Variants in EML5 observed in about 807,000 individuals in gnomAD.
EML5 encodes the protein echinoderm microtubule-associated protein-like 5.
EML5 carries 120 observed loss-of-function variants against 250.0 expected under a neutral mutation model. The observed-to-expected ratio is 0.48, with a 90% CI of 0.41 to 0.56. The LOEUF (loss-of-function observed/expected upper bound fraction) is 0.56, where lower values mean the gene tolerates loss of function less well. Ranked by LOEUF, EML5 falls within the 20% of genes least tolerant of loss-of-function variation. The pLI, the probability that EML5 is intolerant of heterozygous loss-of-function variation, is 0.00. For missense variants in EML5, 2,006 were observed against 2,437.6 expected, an observed-to-expected ratio of 0.82 and a Z score of 3.73; for synonymous variants, 771 against 806.5, an observed-to-expected ratio of 0.96 and a Z score of 0.75.
At chr14:88,754,398 C>T (rs1421529808) in intron 2 of EML5, 114 bp downstream of exon 2, 3 of 1,041,106 alleles carry the variant, frequency 2.9e-6, no homozygotes, top group African/African-American at 3.3e-5. Context: ...CCACCTCCAC[C>T]TTTGGACAAA....
chr14:88,668,343 C>T (rs2092363870), intron 21 of EML5, among the ~76,000 whole-genome samples: 1 of 151,660 alleles, frequency 6.6e-6, no homozygotes. Context: ...AGAGATAGCA[C>T]TAGCAAAGGA....
intron 8 of EML5, among the ~76,000 whole-genome samples, chr14:88,723,106 T>C (rs1313655863): frequency 1.3e-5 from 2 of 152,086 alleles, no homozygotes; most frequent in African/African-American, 4.8e-5. Flanking sequence ...AGATATACTA[T>C]TCATTCTTAA....
rs754234515 is a variant in EML5 at position 88,696,831 on chromosome 14, C to G, written c.2344+16G>C. 5.7e-6 allele frequency: 9 copies of G among 1,570,440 alleles called. No homozygotes were observed. In the South Asian group the frequency reaches 7.1e-5, roughly 12 times the overall value. On this transcript the variant is annotated intron_variant, in intron 15 of 43. Transcript: ENST00000554922. The stretch of plus-strand genomic sequence containing the variant: ...TGCATTTTGTTAATTCTTACTGAGA[C>G]AGCAAACAGCCTTACCTGAGAAATC...
rs930318411 is a variant in EML5 at position 88,613,347 on chromosome 14, G to T, written c.*2471C>A. ...TGAGATGCTTTGCATCTCTGCAGAAGAAATTTATTTTAAATTGTTTAAATA... is the reference window on the plus strand; with the variant it reads ...TGAGATGCTTTGCATCTCTGCAGAATAAATTTATTTTAAATTGTTTAAATA... On this transcript the variant is annotated 3_prime_UTR_variant, in exon 44 of 44. Coordinates refer to ENST00000554922, the MANE Select transcript of EML5 (RefSeq NM_183387.3). 2.0e-5 allele frequency: 3 copies of T among 152,096 alleles called. No individual in the cohort carries two copies. The highest frequency in any genetic ancestry group is 6.6e-5 in the Admixed American group (1 of 15,266). 9.4% of individuals were successfully genotyped at this position (152,096 alleles called of 1,614,324 possible).
chr14:88,700,917 G>A (rs978694778), intron 14 of EML5, among the ~76,000 whole-genome samples: 4 of 151,996 alleles, frequency 2.6e-5, no homozygotes, highest in African/African-American at 9.7e-5. Context: ...TCTAAGATTT[G>A]AACACTGTGA....
chr14:88,691,230 C>A (rs368055942), intron 17 of EML5, among the ~76,000 whole-genome samples: 62 of 152,298 alleles, frequency 4.1e-4, no homozygotes, highest in African/African-American at 1.1e-3. Flanking sequence ...AAGCTCACTA[C>A]AGTTTCACTC....
chr14:88,616,656 G>A (rs1238175881), intron 42 of EML5, 70 bp downstream of exon 42: 11 of 1,383,398 alleles, frequency 8.0e-6, no homozygotes, highest in African/African-American at 2.9e-5. Context: ...AAATATATGG[G>A]GAAAAGTGCT....
Position 88,792,919 on chromosome 14 carries a change from GACCCGCGCCGCGC to G in EML5, c.-429_-417del, listed in dbSNP as rs1055663683. Among the ~76,000 whole-genome samples, 6 of 151,728 alleles carry G rather than the reference GACCCGCGCCGCGC, an allele frequency of 4.0e-5. No homozygotes were observed. The highest frequency in any genetic ancestry group is 7.4e-5 in the Non-Finnish European group (5 of 67,894). ...GCGGCTTTGTAGCCACAGCCTGGCG[GACCCGCGCCGCGC>G]ACCCCGAAACCGAGCGAGCCGAGCC... On this transcript the variant is annotated 5_prime_UTR_variant, in exon 1 of 44. Coordinates refer to ENST00000554922, the MANE Select transcript of EML5 (RefSeq NM_183387.3). The surrounding 1 kb of genome is among the most constrained non-coding windows in gnomAD (Gnocchi z 6.9).
At position 88,614,633 on chromosome 14, in the gene EML5, C is replaced by G. The variant is rs540759448; in HGVS notation, c.*1185G>C. On this transcript the variant is annotated 3_prime_UTR_variant, in exon 44 of 44. Coordinates refer to ENST00000554922, the MANE Select transcript of EML5 (RefSeq NM_183387.3). ...GAAAAATATATTTTTAAATAGCAGTCTACATAATTTTCAATCTTCAGGAAA... is the reference window on the plus strand; with the variant it reads ...GAAAAATATATTTTTAAATAGCAGTGTACATAATTTTCAATCTTCAGGAAA... 6.6e-6 allele frequency: 1 copy of G among 152,214 alleles called. No homozygotes were observed. The highest frequency in any genetic ancestry group is 1.9e-4 in the East Asian group (1 of 5,190). The allele number at this position is 152,214 out of a possible 1,614,324, so 9.4% of individuals were successfully genotyped here.
chr14:88,785,848 G>T (rs940749391), intron 1 of EML5, among the ~76,000 whole-genome samples: 4 of 152,120 alleles, frequency 2.6e-5, no homozygotes, highest in African/African-American at 9.7e-5. Context: ...TCTCAACATA[G>T]GAGCCAGAGT....
At chr14:88,710,551 A>C (rs753124701) in intron 10 of EML5, among the ~76,000 whole-genome samples, 1 of 152,216 alleles carries the variant, frequency 6.6e-6, no homozygotes, top group Non-Finnish European at 1.5e-5. Flanking sequence ...AATTATGTGA[A>C]TTCAATTAAT....
chr14:88,747,185 G>C (rs1395354735), intron 2 of EML5, among the ~76,000 whole-genome samples: 1 of 152,146 alleles, frequency 6.6e-6, no homozygotes, highest in Non-Finnish European at 1.5e-5. Flanking sequence ...GCCAAGGCAG[G>C]TGGATTGCTT....
At chr14:88,701,965 T>A (rs980864190) in intron 14 of EML5, among the ~76,000 whole-genome samples, 8 of 152,176 alleles carry the variant, frequency 5.3e-5, no homozygotes, top group African/African-American at 1.9e-4. Context: ...TAGAGAGGTA[T>A]CAGTTAAGAT....
At chr14:88,646,540 G>T (rs2091356852) in intron 29 of EML5, among the ~76,000 whole-genome samples, 1 of 152,022 alleles carries the variant, frequency 6.6e-6, no homozygotes. Context: ...CTATGTTACT[G>T]TCTGACAGCT....
In EML5 at chr14:88,618,209, T is replaced by A; in HGVS notation, c.5642+19A>T. On this transcript the variant is annotated intron_variant, in intron 41 of 43. Transcript: ENST00000554922. ...GCCTTCAAAGTCAGTTCTTGCCTTG[T>A]GAATATATAAGTATTTACCTAGTCC... is the stretch of plus-strand genomic sequence containing the variant. 6.2e-7 allele frequency: 1 copy of A among 1,606,586 alleles called. No individual in the cohort carries two copies. The highest frequency in any genetic ancestry group is 8.5e-7 in the Non-Finnish European group (1 of 1,174,082).
chr14:88,620,464 G>A lies in EML5; in HGVS notation c.5375+290C>T, dbSNP rs1436315323. 3.9e-6 allele frequency: 1 copy of A among 255,300 alleles called. No individual in the cohort carries two copies. Among genetic ancestry groups the A allele is most frequent in the East Asian group, 7.4e-5 (1 of 13,524 alleles). 15.8% of individuals were successfully genotyped at this position (255,300 alleles called of 1,614,324 possible). A position where few individuals can be genotyped will look rare whatever the true frequency, so the allele number is the denominator to read the frequency against. Reference sequence around the variant, plus strand: ...GCAGATAGCTCTCTTGTATTACAGTGGGAGATACCTCTTGGTGGGATGAAC... The same window carrying A: ...GCAGATAGCTCTCTTGTATTACAGTAGGAGATACCTCTTGGTGGGATGAAC... On this transcript the variant is annotated intron_variant, in intron 39 of 43. Transcript: ENST00000554922. The surrounding 1 kb of genome is among the most constrained non-coding windows in gnomAD (Gnocchi z 4.3).
At position 88,664,632 on chromosome 14, in the gene EML5, A is replaced by G; in HGVS notation, c.3278-8T>C. ...CAAGATATTTCCCAGAACCTATAAT[A>G]GAAACATATTTGCTTGACATTTTCT... On this transcript the variant is annotated splice_region_variant and splice_polypyrimidine_tract_variant and intron_variant, in intron 22 of 43. Coordinates refer to ENST00000554922, the MANE Select transcript of EML5 (RefSeq NM_183387.3). 6.3e-7 allele frequency: 1 copy of G among 1,599,712 alleles called. No homozygotes were observed. Among genetic ancestry groups the G allele is most frequent in the South Asian group, 1.2e-5 (1 of 86,528 alleles).
At chr14:88,616,271 G>C in intron 42 of EML5, 29 bp from the exon 43 acceptor site, 1 of 1,599,736 alleles carries the variant, frequency 6.3e-7, no homozygotes, top group Non-Finnish European at 8.6e-7. Context: ...CAAGCTCAGG[G>C]CATTTGGTGC....
intron 1 of EML5, among the ~76,000 whole-genome samples, chr14:88,773,707 T>A (rs1392354770): frequency 6.6e-6 from 1 of 152,062 alleles, no homozygotes; most frequent in Non-Finnish European, 1.5e-5. Context: ...CCATTGGTGG[T>A]TTTATTTTGT....
Sources: allele counts gnomAD v4.1 joint callset (sites outside exome capture counted in the v4.1 genomes callset), GRCh38; gene constraint gnomAD v4.1.1; non-coding constraint Gnocchi (gnomAD v3.1); transcripts MANE v1.5; gene names NCBI Gene and HGNC (gene_info 2026-07-23, HGNC 2026-07-21).